The following SLC39A6 variants were observed in gnomAD, a reference collection of about 807,000 sequenced individuals.
SLC39A6 encodes zinc transporter ZIP6.
SLC39A6 carries 51 observed loss-of-function variants against 63.5 expected under a neutral mutation model. That is an observed-to-expected ratio of 0.80 (90% CI 0.64 to 1.01). The LOEUF (loss-of-function observed/expected upper bound fraction) is 1.01, where lower values mean the gene tolerates loss of function less well. SLC39A6 is among the 50% of genes least tolerant of loss of function. SLC39A6 has a pLI of 0.00. For missense variants in SLC39A6, 805 were observed against 927.8 expected (o/e 0.87, Z 1.72); for synonymous variants, 318 against 324.7 (o/e 0.98, Z 0.22).
chr18:36,116,801 A>G (rs1420003881), intron 5 of SLC39A6, 22 bp from the exon 6 acceptor site: 1 of 1,534,768 alleles, frequency 6.5e-7, no homozygotes. Context: ...AGGGAAAACA[A>G]TACTTTAAAA....
At position 36,112,579 on chromosome 18, in the gene SLC39A6, C is replaced by A; in HGVS notation, c.1846G>T (p.Ala616Ser). ...HNFSDGLAIGAAFTEGLSSGL... is the reference protein window; with the variant it reads ...HNFSDGLAIGSAFTEGLSSGL... ...CTTGATAAGCCTTCAGTAAAAGCAG[C>A]ACCTGTGTAAAAATCAATCAGAAAA... Residue 616 changes from alanine to serine, a missense_variant and splice_region_variant, in exon 8 of 10, where the codon GCT becomes TCT. By Grantham distance (99) the Ala-to-Ser change is moderately conservative (BLOSUM62 1). Transcript: ENST00000269187. 1.9e-6 allele frequency: 3 copies of A among 1,612,570 alleles called. No homozygotes were observed. Among genetic ancestry groups the A allele is most frequent in the Non-Finnish European group, 2.5e-6 (3 of 1,178,866 alleles).
At chr18:36,128,144 G>A (rs1476554268) in intron 1 of SLC39A6, among the ~76,000 whole-genome samples, 1 of 152,220 alleles carries the variant, frequency 6.6e-6, no homozygotes, top group Non-Finnish European at 1.5e-5. Context: ...AAGCAATTGA[G>A]TTGGAGCTTG....
intron 3 of SLC39A6, among the ~76,000 whole-genome samples, chr18:36,123,870 T>C (rs1231548381): frequency 6.6e-6 from 1 of 152,024 alleles, no homozygotes; most frequent in African/African-American, 2.4e-5. Context: ...GACTGGTACT[T>C]AAGAACTCTC....
At chr18:36,116,302 GAA>G (rs2089344935) in intron 6 of SLC39A6, among the ~76,000 whole-genome samples, 3 of 152,110 alleles carry the variant, frequency 2.0e-5, no homozygotes, top group East Asian at 3.9e-4. Context: ...AAATGGTTTA[GAA>G]AAAAAGTGTG....
intron 5 of SLC39A6, among the ~76,000 whole-genome samples, chr18:36,117,843 A>G (rs2089359503): frequency 6.6e-6 from 1 of 152,132 alleles, no homozygotes. Flanking sequence ...CATCCTGGCT[A>G]ACATGGTGAA....
At chr18:36,113,629 A>T (rs1392094284) in intron 7 of SLC39A6, among the ~76,000 whole-genome samples, 1 of 152,240 alleles carries the variant, frequency 6.6e-6, no homozygotes, top group East Asian at 1.9e-4. Context: ...CAATTGTGGT[A>T]TAACAATTTA....
intron 8 of SLC39A6, among the ~76,000 whole-genome samples, chr18:36,112,128 A>G (rs1298130936): frequency 2.0e-5 from 3 of 152,254 alleles, no homozygotes; most frequent in Non-Finnish European, 2.9e-5. Context: ...AAATGGCATC[A>G]GCGGTATGTG....
Position 36,108,696 on chromosome 18 carries a change from C to T in SLC39A6, c.*897G>A, listed in dbSNP as rs1246776524. 6.6e-6 allele frequency: 1 copy of T among 152,142 alleles called. No individual in the cohort carries two copies. Among genetic ancestry groups the T allele is most frequent in the African/African-American group, 2.4e-5 (1 of 41,422 alleles). 9.4% of individuals were successfully genotyped at this position (152,142 alleles called of 1,614,324 possible). On this transcript the variant is annotated 3_prime_UTR_variant, in exon 10 of 10. Transcript: ENST00000269187. ...ACTTTCTGAATCGAATCAAATGATA[C>T]TTAGTGTAGTTTTAATATCCTCATA...
chr18:36,109,859 C>T, intron 9 of SLC39A6, 114 bp from the exon 10 acceptor site: 1 of 768,502 alleles, frequency 1.3e-6, no homozygotes, highest in South Asian at 1.8e-5. Context: ...GCTAGATATA[C>T]TGTGAGTTAA....
intron 3 of SLC39A6, among the ~76,000 whole-genome samples, chr18:36,124,025 T>C (rs2089415456): frequency 6.6e-6 from 1 of 152,142 alleles, no homozygotes; most frequent in Non-Finnish European, 1.5e-5. Flanking sequence ...AGAATTTTTT[T>C]TTTTTAAGAA....
In SLC39A6 at chr18:36,110,530, C is replaced by CT. The variant is rs1206467784; in HGVS notation, c.2115+528dup. Reference sequence around the variant, plus strand: ...TTCTCATAATGACTGCATTTAAAATCTTTTTTAAAAAAATGATTTTTTTTT... The same window carrying CT: ...TTCTCATAATGACTGCATTTAAAATCTTTTTTTAAAAAAATGATTTTTTTTT... On this transcript the variant is annotated intron_variant, in intron 9 of 9. Transcript: ENST00000269187. Among the ~76,000 whole-genome samples, 48 of 119,696 alleles carry CT rather than the reference C, an allele frequency of 4.0e-4. 1 individual carries two copies. Among genetic ancestry groups the CT allele is most frequent in the East Asian group, 2.7e-3 (8 of 3,014 alleles). 78.5% of individuals were successfully genotyped at this position (119,696 alleles called of 152,430 possible).
In SLC39A6 at chr18:36,111,233, T is replaced by C. The variant is rs770115108; in HGVS notation, c.1941A>G (p.Leu647=). 4.3e-6 allele frequency: 7 copies of C among 1,613,858 alleles called. No homozygotes were observed. The highest frequency in any genetic ancestry group is 3.3e-5 in the Admixed American group (2 of 59,978). ...LPHELGDFAV[L]LKAGMTVKQA... ...GCTTAACGGTCATGCCAGCCTTTAGTAGAACAGCAAAGTCACCTTTAACAG... is the reference window on the plus strand; with the variant it reads ...GCTTAACGGTCATGCCAGCCTTTAGCAGAACAGCAAAGTCACCTTTAACAG... Residue 647 remains leucine, a synonymous_variant, in exon 9 of 10, where the codon CTA becomes CTG. Coordinates refer to ENST00000269187, the MANE Select transcript of SLC39A6 (RefSeq NM_012319.4).
Position 36,123,379 on chromosome 18 carries a change from A to G in SLC39A6, c.1140+116T>C. Reference sequence around the variant, plus strand: ...TCACTTACCAAATATATTTTAAAATAAGCTTTTCTAAACCAAATTTCTAAC... The same window carrying G: ...TCACTTACCAAATATATTTTAAAATGAGCTTTTCTAAACCAAATTTCTAAC... On this transcript the variant is annotated intron_variant, in intron 4 of 9. Transcript: ENST00000269187. 3.4e-6 allele frequency: 3 copies of G among 894,288 alleles called. No homozygotes were observed. The South Asian group carries it at 5.4e-5, about 16-fold the overall frequency. The allele number at this position is 894,288 out of a possible 1,614,324, so 55.4% of individuals were successfully genotyped here. A position where few individuals can be genotyped will look rare whatever the true frequency, so the allele number is the denominator to read the frequency against.
At chr18:36,110,238 T>C (rs575515757) in intron 9 of SLC39A6, among the ~76,000 whole-genome samples, 7 of 152,314 alleles carry the variant, frequency 4.6e-5, no homozygotes, top group African/African-American at 1.7e-4. Context: ...TATGACTCCT[T>C]TGTTGATTAA....
chr18:36,123,351 C>T (rs751987077), intron 4 of SLC39A6, 144 bp downstream of exon 4: 3 of 724,346 alleles, frequency 4.1e-6, no homozygotes, highest in Non-Finnish European at 6.7e-6. Context: ...AAAAATACAG[C>T]TTTCACTTAC....
Position 36,127,103 on chromosome 18 carries a change from CA to C in SLC39A6, c.-9-88del, listed in dbSNP as rs565674331. ...CTCATACTGAAAATTAATGTGTAAT[CA>C]AATAATCAAAGTTGCCAGAGCATCA... On this transcript the variant is annotated intron_variant, in intron 1 of 9. Transcript: ENST00000269187. 2.3e-4 allele frequency: 276 copies of C among 1,191,370 alleles called. 4 individuals carry two copies. The East Asian group carries it at 6.7e-3, about 29-fold the overall frequency. The allele number at this position is 1,191,370 out of a possible 1,614,324, so 73.8% of individuals were successfully genotyped here.
At position 36,124,627 on chromosome 18, in the gene SLC39A6, T is replaced by C. The variant is rs764123003; in HGVS notation, c.863A>G (p.Asn288Ser). The change falls in exon 3 of 10, where the codon AAC becomes AGC. Residue 288 changes from asparagine to serine, a missense_variant. Coordinates refer to ENST00000269187, the MANE Select transcript of SLC39A6 (RefSeq NM_012319.4). ...GTTGATGATGGCTGGACAGAGATAGTTGAACTCTGTTGCATTCAGCGGAAC... is the reference window on the plus strand; with the variant it reads ...GTTGATGATGGCTGGACAGAGATAGCTGAACTCTGTTGCATTCAGCGGAAC... ...IQVPLNATEF[N>S]YLCPAIINQI... The C allele has an allele frequency of 2.9e-5, 46 of 1,595,084 alleles. No individual in the cohort carries two copies. The highest frequency in any genetic ancestry group is 2.4e-4 in the South Asian group (22 of 89,988).
rs1598702846 is a variant in SLC39A6, at chr18:36,109,204, T to A, written c.*389A>T. On this transcript the variant is annotated 3_prime_UTR_variant, in exon 10 of 10. Coordinates refer to ENST00000269187, the MANE Select transcript of SLC39A6 (RefSeq NM_012319.4). ...AAATTCAGTATAAGCTTTCTTGGTA[T>A]TTTAGGCTTCATGCACATTCTTATT... The A allele has an allele frequency of 6.5e-6, 1 of 153,506 alleles. No individual in the cohort carries two copies. Among genetic ancestry groups the A allele is most frequent in the Middle Eastern group, 3.4e-3 (1 of 298 alleles). The allele number at this position is 153,506 out of a possible 1,614,324, so 9.5% of individuals were successfully genotyped here. A position where few individuals can be genotyped will look rare whatever the true frequency, so the allele number is the denominator to read the frequency against.
intron 8 of SLC39A6, 36 bp downstream of exon 8, chr18:36,112,465 C>T (rs2089308379): frequency 6.7e-7 from 1 of 1,482,892 alleles, no homozygotes; most frequent in Non-Finnish European, 9.4e-7. Flanking sequence ...GAACATTTCA[C>T]CCACTTGGCA....
Sources: allele counts gnomAD v4.1 joint callset (sites outside exome capture counted in the v4.1 genomes callset), GRCh38; gene constraint gnomAD v4.1.1; transcripts MANE v1.5; gene names NCBI Gene and HGNC (gene_info 2026-07-23, HGNC 2026-07-21).